Variants in CSMD1 observed in about 807,000 individuals in gnomAD.
The protein encoded by CSMD1 is CUB and Sushi multiple domains 1.
A neutral mutation model predicts 417.5 loss-of-function variants in CSMD1; 213 were observed. That is an observed-to-expected ratio of 0.51 (90% CI 0.46 to 0.57). CSMD1 has a LOEUF of 0.57. Ranked by LOEUF, CSMD1 falls within the 20% of genes least tolerant of loss-of-function variation. The pLI, the probability that CSMD1 is intolerant of heterozygous loss-of-function variation, is 0.00. For missense variants in CSMD1, 6,923 were observed against 4,529.7 expected (o/e 1.53, Z -15.17); for synonymous variants, 2,862 against 1,736.8 (o/e 1.65, Z -16.11).
intron 5 of CSMD1, among the ~76,000 whole-genome samples, chr8:3,908,051 G>A (rs1277776696): frequency 6.6e-6 from 1 of 152,068 alleles, no homozygotes; most frequent in African/African-American, 2.4e-5. Flanking sequence ...TGACCCCAAA[G>A]TCTGACTCTC....
At chr8:4,571,387 A>G (rs539044364) in intron 2 of CSMD1, among the ~76,000 whole-genome samples, 1 of 152,014 alleles carries the variant, frequency 6.6e-6, no homozygotes, top group African/African-American at 2.4e-5. Flanking sequence ...TTCTGCCTTA[A>G]TTTCGTTATT....
intron 41 of CSMD1, among the ~76,000 whole-genome samples, 160 bp downstream of exon 41, chr8:3,142,305 A>C (rs1818552945): frequency 6.6e-6 from 1 of 152,204 alleles, no homozygotes; most frequent in South Asian, 2.1e-4. Flanking sequence ...GTTTTCAAAA[A>C]CAACAAGTGT....
intron 3 of CSMD1, among the ~76,000 whole-genome samples, chr8:4,134,303 T>G (rs2680593): frequency 6.6e-6 from 1 of 151,992 alleles, no homozygotes; most frequent in Non-Finnish European, 1.5e-5. Context: ...AGCCTTTAGG[T>G]TGGTGATTAA....
chr8:4,763,316 A>C (rs1812238477), intron 1 of CSMD1, among the ~76,000 whole-genome samples: 2 of 152,152 alleles, frequency 1.3e-5, no homozygotes, highest in Non-Finnish European at 2.9e-5. Context: ...TCCCTCCTGA[A>C]TGATCTCATC....
chr8:3,961,483 G>A (rs1812316597), intron 5 of CSMD1, among the ~76,000 whole-genome samples: 1 of 152,194 alleles, frequency 6.6e-6, no homozygotes, highest in South Asian at 2.1e-4. Context: ...TAAAAGTCTA[G>A]CCCCATATGC....
chr8:3,697,181 G>A (rs1338929874), intron 7 of CSMD1, among the ~76,000 whole-genome samples: 1 of 152,096 alleles, frequency 6.6e-6, no homozygotes, highest in East Asian at 1.9e-4. Flanking sequence ...ATTCAGTGAG[G>A]CTAAATTATC....
intron 2 of CSMD1, among the ~76,000 whole-genome samples, chr8:4,451,658 A>G (rs1479940086): frequency 6.6e-6 from 1 of 152,190 alleles, no homozygotes; most frequent in Non-Finnish European, 1.5e-5. Context: ...TACATTCCTT[A>G]GTCAATTGAG....
intron 7 of CSMD1, among the ~76,000 whole-genome samples, chr8:3,631,313 G>T (rs2128216): frequency 0.38 from 58,248 of 152,026 alleles, 11,361 homozygotes; most frequent in Middle Eastern, 0.59. Flanking sequence ...TTTTCTGTCT[G>T]GTTTATTGTT....
intron 25 of CSMD1, among the ~76,000 whole-genome samples, chr8:3,292,637 C>A (rs962064085): frequency 1.3e-5 from 2 of 152,130 alleles, no homozygotes; most frequent in Admixed American, 6.5e-5. Flanking sequence ...TTATCAGAGA[C>A]TAGGATGGCA....
rs113483500 is a variant in CSMD1 at position 3,724,510 on chromosome 8, T to TG, written c.932-16020dup. Among the ~76,000 whole-genome samples, 1,095 of 152,228 alleles carry TG rather than the reference T, an allele frequency of 7.2e-3. 16 individuals are homozygous for TG. The highest frequency in any genetic ancestry group is 0.024 in the African/African-American group (1,002 of 41,538). On this transcript the variant is annotated intron_variant, in intron 6 of 69. Transcript: ENST00000635120. ...ATAACCTTTAAAAAATGAAGCTGTT[T>TG]GGGATTTTCAACCATTTTCAAAAGG...
At chr8:2,944,121 G>A (rs1278396198) in intron 68 of CSMD1, among the ~76,000 whole-genome samples, 1 of 152,080 alleles carries the variant, frequency 6.6e-6, no homozygotes, top group Non-Finnish European at 1.5e-5. Context: ...TTATCTTTTT[G>A]AGATCTGCCC....
At chr8:3,344,793 A>G (rs890475462) in intron 22 of CSMD1, among the ~76,000 whole-genome samples, 1 of 152,220 alleles carries the variant, frequency 6.6e-6, no homozygotes, top group Non-Finnish European at 1.5e-5. Flanking sequence ...TACTCAGAAA[A>G]GGAGAAAATA....
rs1806430393 is a variant in CSMD1 at position 4,920,958 on chromosome 8, GAAA to G, written c.85+73371_85+73373del. Among the ~76,000 whole-genome samples, 2 of 13,674 alleles carry G rather than the reference GAAA, an allele frequency of 1.5e-4. 1 individual carries two copies. Among genetic ancestry groups the G allele is most frequent in the Non-Finnish European group, 2.9e-4 (2 of 6,802 alleles). 9.0% of individuals were successfully genotyped at this position (13,674 alleles called of 152,430 possible). Reference sequence around the variant, plus strand: ...AGAAAGAAAGAAAGAAAGAAAGAAAGAAAGAAAGAAAGAAAGAAAGAAACAAAG... The same window carrying G: ...AGAAAGAAAGAAAGAAAGAAAGAAAGGAAAGAAAGAAAGAAAGAAACAAAG... On this transcript the variant is annotated intron_variant, in intron 1 of 69. Coordinates refer to ENST00000635120, the MANE Select transcript of CSMD1 (RefSeq NM_033225.6).
chr8:3,602,116 G>C (rs1801392289), intron 8 of CSMD1, among the ~76,000 whole-genome samples: 1 of 152,148 alleles, frequency 6.6e-6, no homozygotes, highest in Admixed American at 6.5e-5. Context: ...CCATTGAACT[G>C]CACACTTAAA....
At chr8:3,300,775 GC>G (rs1325938225) in intron 25 of CSMD1, among the ~76,000 whole-genome samples, 5 of 151,496 alleles carry the variant, frequency 3.3e-5, no homozygotes, top group Non-Finnish European at 7.4e-5. Context: ...TGGCAACAGG[GC>G]GAAACCCCGT....
intron 5 of CSMD1, among the ~76,000 whole-genome samples, chr8:3,913,666 A>C (rs1176421476): frequency 6.6e-6 from 1 of 152,198 alleles, no homozygotes; most frequent in African/African-American, 2.4e-5. Flanking sequence ...GGTCAGGGCC[A>C]TCGAAATATC....
At chr8:4,163,038 T>C (rs1020036332) in intron 3 of CSMD1, among the ~76,000 whole-genome samples, 1 of 152,210 alleles carries the variant, frequency 6.6e-6, no homozygotes, top group African/African-American at 2.4e-5. Flanking sequence ...TGCACTTCAG[T>C]TCACTCTATG....
chr8:4,831,046 T>C (rs186407940), intron 1 of CSMD1, among the ~76,000 whole-genome samples: 62 of 152,276 alleles, frequency 4.1e-4, no homozygotes, highest in Non-Finnish European at 5.9e-5. Flanking sequence ...GATCTACCCT[T>C]TACTTCAACT....
At chr8:4,187,433 G>C (rs1033886813) in intron 3 of CSMD1, among the ~76,000 whole-genome samples, 9 of 152,140 alleles carry the variant, frequency 5.9e-5, no homozygotes, top group Admixed American at 4.6e-4. Context: ...GATCACCTGA[G>C]GTCAGGAAGA....
Sources: allele counts gnomAD v4.1 joint callset (sites outside exome capture counted in the v4.1 genomes callset), GRCh38; gene constraint gnomAD v4.1.1; transcripts MANE v1.5; gene names NCBI Gene and HGNC (gene_info 2026-07-23, HGNC 2026-07-21).